NEK5: variants seen among roughly 807,000 people sequenced by gnomAD.
The protein encoded by NEK5 is serine/threonine-protein kinase Nek5.
In NEK5, 88 loss-of-function variants were observed where a neutral mutation model predicts 109.2. That is an observed-to-expected ratio of 0.81 (90% CI 0.68 to 0.96). The LOEUF is 0.96. Ranked by LOEUF, NEK5 falls within the 40% of genes least tolerant of loss-of-function variation. The pLI is 0.00. For missense variants in NEK5, 834 were observed against 920.7 expected (o/e 0.91, Z 1.22); for synonymous variants, 283 against 299.9 (o/e 0.94, Z 0.58).
intron 4 of NEK5, among the ~76,000 whole-genome samples, chr13:52,112,829 A>G (rs1489455661): frequency 1.3e-5 from 2 of 152,158 alleles, no homozygotes; most frequent in Non-Finnish European, 2.9e-5. Flanking sequence ...AGAAACTCTT[A>G]TAACTGACCT....
chr13:52,082,970 A>AAT (rs1309313678), intron 17 of NEK5, among the ~76,000 whole-genome samples: 1 of 152,126 alleles, frequency 6.6e-6, no homozygotes, highest in Non-Finnish European at 1.5e-5. Context: ...AACATGGTGA[A>AAT]ATCCTGTCTC....
At chr13:52,051,916 G>A (rs1244802317) in intron 22 of NEK5, among the ~76,000 whole-genome samples, 1 of 152,192 alleles carries the variant, frequency 6.6e-6, no homozygotes, top group East Asian at 1.9e-4. Flanking sequence ...AGGACAGAAA[G>A]TCATTCCTCT....
At chr13:52,126,926 G>C (rs576394742) in intron 3 of NEK5, among the ~76,000 whole-genome samples, 4 of 152,326 alleles carry the variant, frequency 2.6e-5, no homozygotes, top group African/African-American at 9.6e-5. Flanking sequence ...GAGAGAGGAA[G>C]TGCACCACAG....
chr13:52,069,116 GT>G (rs952785380), intron 20 of NEK5, among the ~76,000 whole-genome samples: 4 of 151,540 alleles, frequency 2.6e-5, no homozygotes, highest in African/African-American at 9.7e-5. Context: ...ACTGATGAAG[GT>G]TTTTTTTTCT....
At position 52,060,102 on chromosome 13, in the gene NEK5, G is replaced by T. The variant is rs149111221; in HGVS notation, c.2110+1717C>A. Among the ~76,000 whole-genome samples, 42 of 151,950 alleles carry T rather than the reference G, an allele frequency of 2.8e-4. No homozygotes were observed. In the East Asian group the frequency reaches 7.1e-3, roughly 26 times the overall value. On this transcript the variant is annotated intron_variant, in intron 22 of 23. Coordinates refer to ENST00000684899, the MANE Select transcript of NEK5 (RefSeq NM_001365552.1). Reference sequence around the variant, plus strand: ...TTAAATGATAGGTATTCATTATCTAGATCATCTCCAAATAACATATAATGC... The same window carrying T: ...TTAAATGATAGGTATTCATTATCTATATCATCTCCAAATAACATATAATGC...
intron 22 of NEK5, among the ~76,000 whole-genome samples, chr13:52,059,639 T>C (rs2137730322): frequency 6.6e-6 from 1 of 152,180 alleles, no homozygotes; most frequent in South Asian, 2.1e-4. Flanking sequence ...AAATGATGAG[T>C]TCACGTCCTT....
intron 2 of NEK5, 32 bp from the exon 3 acceptor site, chr13:52,127,536 A>G (rs1056097949): frequency 1.6e-5 from 15 of 963,636 alleles, no homozygotes; most frequent in East Asian, 1.4e-4. Context: ...TTTATCACAC[A>G]CGTCTCATAA....
intron 17 of NEK5, among the ~76,000 whole-genome samples, chr13:52,082,800 A>G (rs541741401): frequency 6.6e-6 from 1 of 152,364 alleles, no homozygotes; most frequent in East Asian, 1.9e-4. Flanking sequence ...TTCTGCAGAC[A>G]GAATGCCTGG....
intron 22 of NEK5, among the ~76,000 whole-genome samples, chr13:52,052,479 A>T (rs1292791373): frequency 6.6e-6 from 1 of 152,152 alleles, no homozygotes; most frequent in Non-Finnish European, 1.5e-5. Flanking sequence ...CTTGACTGGC[A>T]TTAGGTTACC....
chr13:52,109,220 A>G (rs1465311732), intron 7 of NEK5, among the ~76,000 whole-genome samples: 1 of 152,150 alleles, frequency 6.6e-6, no homozygotes, highest in Non-Finnish European at 1.5e-5. Flanking sequence ...GGACATTCCA[A>G]AGTTAACCTG....
intron 12 of NEK5, among the ~76,000 whole-genome samples, chr13:52,096,037 T>C (rs1286445721): frequency 6.6e-6 from 1 of 152,168 alleles, no homozygotes; most frequent in African/African-American, 2.4e-5. Context: ...GGCTACCCCT[T>C]CACTCTTTTC....
At chr13:52,067,453 G>A (rs1422917435) in intron 20 of NEK5, among the ~76,000 whole-genome samples, 1 of 152,180 alleles carries the variant, frequency 6.6e-6, no homozygotes, top group African/African-American at 2.4e-5. Context: ...ACAGATAAGG[G>A]AGCAAAGTCC....
chr13:52,038,023 A>G (rs113358663), intron 23 of NEK5, among the ~76,000 whole-genome samples: 3 of 152,348 alleles, frequency 2.0e-5, no homozygotes, highest in African/African-American at 7.2e-5. Context: ...TAGAAAGGAA[A>G]GGGAATAGAT....
chr13:52,044,065 C>G (rs150334600), intron 23 of NEK5, among the ~76,000 whole-genome samples: 1 of 152,162 alleles, frequency 6.6e-6, no homozygotes, highest in African/African-American at 2.4e-5. Context: ...GCTGCCAGCA[C>G]GGCTAGAATG....
At chr13:52,044,498 C>G (rs1954439976) in intron 23 of NEK5, among the ~76,000 whole-genome samples, 1 of 152,146 alleles carries the variant, frequency 6.6e-6, no homozygotes, top group Non-Finnish European at 1.5e-5. Context: ...ACGTCCCCAA[C>G]AGGTGAATCT....
At chr13:52,081,569 G>A (rs1455492763) in intron 17 of NEK5, among the ~76,000 whole-genome samples, 1 of 152,140 alleles carries the variant, frequency 6.6e-6, no homozygotes, top group Non-Finnish European at 1.5e-5. Flanking sequence ...CATATTTGTA[G>A]TAAAAGTTCT....
chr13:52,121,012 C>G (rs1238969745), intron 3 of NEK5, among the ~76,000 whole-genome samples: 1 of 151,842 alleles, frequency 6.6e-6, no homozygotes, highest in Non-Finnish European at 1.5e-5. Flanking sequence ...CTACTATTGG[C>G]CAGAAAGCAG....
chr13:52,052,974 T>C (rs1286879657), intron 22 of NEK5, among the ~76,000 whole-genome samples: 1 of 152,182 alleles, frequency 6.6e-6, no homozygotes, highest in Non-Finnish European at 1.5e-5. Context: ...ATGGAACAGG[T>C]AATCAAGAGA....
chr13:52,099,244 A>T lies in NEK5; in HGVS notation c.1026+499T>A, dbSNP rs913646747. 1.2e-4 allele frequency among the ~76,000 whole-genome samples: 19 copies of T among 152,224 alleles called. 1 individual carries two copies. Among genetic ancestry groups the T allele is most frequent in the Non-Finnish European group, 1.3e-4 (9 of 68,042 alleles). ...TTAATTAAAAAATTAAAGAAAAAGA[A>T]TATAACAGCTGGGTGCAGTGGCTTA... On this transcript the variant is annotated intron_variant, in intron 12 of 23. Transcript: ENST00000684899.
Sources: allele counts gnomAD v4.1 joint callset (sites outside exome capture counted in the v4.1 genomes callset), GRCh38; gene constraint gnomAD v4.1.1; transcripts MANE v1.5; gene names NCBI Gene and HGNC (gene_info 2026-07-23, HGNC 2026-07-21).